The following EPHA6 variants were observed in gnomAD, a reference collection of about 807,000 sequenced individuals.
EPHA6 encodes ephrin type-A receptor 6.
A neutral mutation model predicts 112.0 loss-of-function variants in EPHA6; 50 were observed. The ratio of observed to expected loss-of-function variants is 0.45; its 90% CI spans 0.36 to 0.56. The LOEUF (loss-of-function observed/expected upper bound fraction) is 0.56, where lower values mean the gene tolerates loss of function less well. EPHA6 is among the 20% of genes least tolerant of loss of function. The probability of loss-of-function intolerance (pLI) is 0.00; values close to 1 mark genes in which losing one functional copy is unlikely to be tolerated. For missense variants in EPHA6, 1,280 were observed against 1,417.4 expected (o/e 0.90, Z 1.56); for synonymous variants, 529 against 490.7 (o/e 1.08, Z -1.03).
chr3:97,680,409 A>G (rs1318087614), intron 14 of EPHA6, among the ~76,000 whole-genome samples: 1 of 152,210 alleles, frequency 6.6e-6, no homozygotes, highest in Non-Finnish European at 1.5e-5. Flanking sequence ...AAGTGTGTAC[A>G]TGACTGTCTC....
intron 1 of EPHA6, among the ~76,000 whole-genome samples, chr3:96,841,890 A>G (rs923495758): frequency 1.3e-5 from 2 of 152,148 alleles, no homozygotes; most frequent in East Asian, 1.9e-4. Flanking sequence ...CAACACTGCC[A>G]TGAAAACAGT....
chr3:96,829,221 G>A (rs564352545), intron 1 of EPHA6, among the ~76,000 whole-genome samples: 2 of 152,208 alleles, frequency 1.3e-5, no homozygotes, highest in Admixed American at 1.3e-4. Context: ...TTTGATGGGA[G>A]TAGAGGAGAA....
rs567183346 is a variant in EPHA6 at position 97,717,961 on chromosome 3, A to C, written c.2785-2300A>C. On this transcript the variant is annotated intron_variant, in intron 14 of 17. Coordinates refer to ENST00000389672, the MANE Select transcript of EPHA6 (RefSeq NM_001080448.3). ...TCTGCTTTTTGACCTATCTTAATAGAACCCACAAAGATTTAGCAAAGGAAC... is the reference window on the plus strand; with the variant it reads ...TCTGCTTTTTGACCTATCTTAATAGCACCCACAAAGATTTAGCAAAGGAAC... Among the ~76,000 whole-genome samples the C allele has an allele frequency of 2.0e-4, 31 of 152,344 alleles. No homozygotes were observed. The South Asian group carries it at 6.2e-3, about 31-fold the overall frequency.
intron 1 of EPHA6, among the ~76,000 whole-genome samples, chr3:96,824,454 C>A (rs959153558): frequency 1.3e-5 from 2 of 151,240 alleles, no homozygotes; most frequent in Non-Finnish European, 3.0e-5. Flanking sequence ...CATTTAGGTT[C>A]TTAATCTCAT....
chr3:97,359,428 A>G (rs2084251214), intron 5 of EPHA6, among the ~76,000 whole-genome samples: 1 of 143,610 alleles, frequency 7.0e-6, no homozygotes, highest in South Asian at 2.2e-4. Flanking sequence ...TACTTTCTTG[A>G]TATTTCCATT....
intron 2 of EPHA6, among the ~76,000 whole-genome samples, chr3:96,974,384 C>G (rs1041637597): frequency 4.7e-5 from 7 of 150,050 alleles, no homozygotes; most frequent in Admixed American, 4.7e-4. Flanking sequence ...ATTATAAATA[C>G]TTTTGTTATT....
chr3:97,565,330 CTA>C (rs1021396962), intron 11 of EPHA6, among the ~76,000 whole-genome samples: 1 of 151,752 alleles, frequency 6.6e-6, no homozygotes. Flanking sequence ...TAATTATGAT[CTA>C]TGATTACAGT....
intron 3 of EPHA6, among the ~76,000 whole-genome samples, chr3:97,085,929 A>T (rs865950379): frequency 1.1e-5 from 1 of 94,212 alleles, no homozygotes; most frequent in Non-Finnish European, 1.7e-5. Context: ...ATATGATGTC[A>T]TATATATATA....
At chr3:97,540,311 A>T (rs2092831537) in intron 11 of EPHA6, among the ~76,000 whole-genome samples, 1 of 152,202 alleles carries the variant, frequency 6.6e-6, no homozygotes, top group Non-Finnish European at 1.5e-5. Context: ...ACACATATTG[A>T]TAAACAGAAA....
rs564511500 is a variant in EPHA6 at position 97,759,965 on chromosome 3, T to G, written c.*11264T>G. ...AGAGATTGAGAACTTCTCAATGCCA[T>G]AAATACTGTTTTCCTTATTTTCATC... On this transcript the variant is annotated 3_prime_UTR_variant, in exon 18 of 18. Transcript: ENST00000389672. The G allele has an allele frequency of 5.2e-6, 1 of 192,006 alleles. No individual in the cohort carries two copies. The highest frequency in any genetic ancestry group is 2.3e-5 in the African/African-American group (1 of 43,050). The allele number at this position is 192,006 out of a possible 1,614,324, so 11.9% of individuals were successfully genotyped here.
At chr3:97,312,549 TC>T (rs2081610602) in intron 5 of EPHA6, among the ~76,000 whole-genome samples, 1 of 151,540 alleles carries the variant, frequency 6.6e-6, no homozygotes, top group Non-Finnish European at 1.5e-5. Flanking sequence ...TATTTCAAAA[TC>T]TAAAGAAGTC....
At chr3:97,287,015 G>A (rs1371048954) in intron 5 of EPHA6, among the ~76,000 whole-genome samples, 3 of 151,112 alleles carry the variant, frequency 2.0e-5, no homozygotes, top group Non-Finnish European at 4.4e-5. Context: ...AAAAAAAAAG[G>A]ATTGCCTTCT....
At chr3:97,034,292 C>T (rs1228025807) in intron 3 of EPHA6, among the ~76,000 whole-genome samples, 1 of 151,776 alleles carries the variant, frequency 6.6e-6, no homozygotes, top group Non-Finnish European at 1.5e-5. Context: ...ACTTTCTGAC[C>T]TCCAATGTGA....
At chr3:97,489,317 T>C (rs1190302353) in intron 10 of EPHA6, among the ~76,000 whole-genome samples, 1 of 152,256 alleles carries the variant, frequency 6.6e-6, no homozygotes, top group Non-Finnish European at 1.5e-5. Flanking sequence ...TGAAAATTAG[T>C]AATTGAAATG....
chr3:97,335,526 G>A lies in EPHA6; in HGVS notation c.1607-69624G>A, dbSNP rs558606801. ...TCCACAGCAATTTTCTTTTCTTTCT[G>A]AGTCCTTGCCAGAATTACCTGTTCC... On this transcript the variant is annotated intron_variant, in intron 5 of 17. Transcript: ENST00000389672. Among the ~76,000 whole-genome samples, 7 of 152,194 alleles carry A rather than the reference G, an allele frequency of 4.6e-5. No homozygotes were observed. The South Asian group carries it at 1.2e-3, about 27-fold the overall frequency.
chr3:96,938,322 A>T (rs2040721879), intron 2 of EPHA6, among the ~76,000 whole-genome samples: 1 of 151,966 alleles, frequency 6.6e-6, no homozygotes, highest in Admixed American at 6.6e-5. Flanking sequence ...GAGGTCCTTC[A>T]CATCCCTTGT....
At chr3:97,588,162 A>G (rs1476670720) in intron 11 of EPHA6, among the ~76,000 whole-genome samples, 1 of 152,230 alleles carries the variant, frequency 6.6e-6, no homozygotes, top group Non-Finnish European at 1.5e-5. Context: ...TGGAATTTTC[A>G]GTATTTTCTT....
intron 3 of EPHA6, among the ~76,000 whole-genome samples, chr3:97,098,775 A>G (rs1187017031): frequency 2.6e-5 from 4 of 151,856 alleles, no homozygotes; most frequent in East Asian, 3.9e-4. Context: ...CACTATGTCA[A>G]TCAAGCAAAA....
intron 3 of EPHA6, among the ~76,000 whole-genome samples, chr3:97,065,150 G>A (rs1411557560): frequency 6.6e-6 from 1 of 152,046 alleles, no homozygotes; most frequent in Non-Finnish European, 1.5e-5. Flanking sequence ...TCGTTTAAAA[G>A]ATGCAAACAA....
Sources: allele counts gnomAD v4.1 joint callset (sites outside exome capture counted in the v4.1 genomes callset), GRCh38; gene constraint gnomAD v4.1.1; transcripts MANE v1.5; gene names NCBI Gene and HGNC (gene_info 2026-07-23, HGNC 2026-07-21).